The following IPO8 variants were observed in gnomAD, a reference collection of about 807,000 sequenced individuals.
IPO8 encodes the protein importin-8.
IPO8 carries 65 observed loss-of-function variants against 141.2 expected under a neutral mutation model. The ratio of observed to expected loss-of-function variants is 0.46; its 90% CI spans 0.38 to 0.57. The LOEUF is 0.57. IPO8 is among the 20% of genes least tolerant of loss of function. IPO8 has a pLI of 0.00. For missense variants in IPO8, 980 were observed against 1,246.8 expected, an observed-to-expected ratio of 0.79 and a Z score of 3.22; for synonymous variants, 411 against 420.3, an observed-to-expected ratio of 0.98 and a Z score of 0.27.
At chr12:30,670,645 T>C (rs1420842290) in intron 9 of IPO8, among the ~76,000 whole-genome samples, 2 of 152,232 alleles carry the variant, frequency 1.3e-5, no homozygotes, top group African/African-American at 2.4e-5. Flanking sequence ...AAATACCTCA[T>C]TTAATCCTAG....
At chr12:30,673,847 C>G (rs1301713733) in intron 8 of IPO8, 143 bp downstream of exon 8, 1 of 503,722 alleles carries the variant, frequency 2.0e-6, no homozygotes, top group African/African-American at 1.9e-5. Context: ...ACTAATTGCA[C>G]TGTAATACAT....
chr12:30,684,540 C>T (rs2053221222), intron 2 of IPO8, 83 bp from the exon 3 acceptor site: 1 of 1,351,532 alleles, frequency 7.4e-7, no homozygotes, highest in East Asian at 2.3e-5. Context: ...AAGTCCAAAC[C>T]CTTCAATGTT....
In IPO8 at chr12:30,676,935, G is replaced by C. The variant is rs980052192; in HGVS notation, c.640-348C>G. ...AACTTTCCATTTTAACCACCTTGAT[G>C]AAAATATTTATTTCATTAAACACTC... On this transcript the variant is annotated intron_variant, in intron 5 of 24. Coordinates refer to ENST00000256079, the MANE Select transcript of IPO8 (RefSeq NM_006390.4). 4.6e-6 allele frequency: 7 copies of C among 1,532,372 alleles called. No individual in the cohort carries two copies. In the African/African-American group the frequency reaches 8.2e-5, roughly 18 times the overall value. 94.9% of individuals were successfully genotyped at this position (1,532,372 alleles called of 1,614,324 possible).
rs566632811 is a variant in IPO8, at chr12:30,690,597, T to C, written c.85-20A>G. On this transcript the variant is annotated intron_variant, in intron 1 of 24. Coordinates refer to ENST00000256079, the MANE Select transcript of IPO8 (RefSeq NM_006390.4). Reference sequence around the variant, plus strand: ...GTAGGACTGAAATTACAAAGAAATGTTTTATAAAATAGGGCAATATAAGTG... The same window carrying C: ...GTAGGACTGAAATTACAAAGAAATGCTTTATAAAATAGGGCAATATAAGTG... 7.2e-7 allele frequency: 1 copy of C among 1,384,210 alleles called. No homozygotes were observed. The highest frequency in any genetic ancestry group is 2.4e-5 in the East Asian group (1 of 42,312). The allele number at this position is 1,384,210 out of a possible 1,614,324, so 85.7% of individuals were successfully genotyped here.
At chr12:30,675,070 T>C (rs1755713458) in intron 6 of IPO8, among the ~76,000 whole-genome samples, 1 of 152,218 alleles carries the variant, frequency 6.6e-6, no homozygotes. Context: ...ATCTGGGTGA[T>C]AACACAAGTG....
At chr12:30,692,919 A>G (rs2053304740) in intron 1 of IPO8, among the ~76,000 whole-genome samples, 1 of 152,220 alleles carries the variant, frequency 6.6e-6, no homozygotes, top group South Asian at 2.1e-4. Flanking sequence ...AAATTATATT[A>G]GTTACTTGCC....
In IPO8 at chr12:30,630,627, C is replaced by T; in HGVS notation, c.*233G>A. On this transcript the variant is annotated 3_prime_UTR_variant, in exon 25 of 25. Coordinates refer to ENST00000256079, the MANE Select transcript of IPO8 (RefSeq NM_006390.4). ...GAACATATGGGTTGTCCTTTTCCGT[C>T]CAATGATTGTTTTTCTTTCATTTCA... is the stretch of plus-strand genomic sequence containing the variant. 1 of 504,266 alleles carries T rather than the reference C, an allele frequency of 2.0e-6. No individual in the cohort carries two copies. The highest frequency in any genetic ancestry group is 3.5e-6 in the Non-Finnish European group (1 of 287,182). The allele number at this position is 504,266 out of a possible 1,614,324, so 31.2% of individuals were successfully genotyped here.
Position 30,695,474 on chromosome 12 carries a change from G to A in IPO8, c.84+90C>T. The A allele has an allele frequency of 8.6e-7, 1 of 1,158,110 alleles. No homozygotes were observed. Among genetic ancestry groups the A allele is most frequent in the South Asian group, 1.3e-5 (1 of 76,062 alleles). The allele number at this position is 1,158,110 out of a possible 1,614,324, so 71.7% of individuals were successfully genotyped here. A position where few individuals can be genotyped will look rare whatever the true frequency, so the allele number is the denominator to read the frequency against. Reference sequence around the variant, plus strand: ...GCGTCAGCCCCAGCCCGGTGGGGGTGAGGACGAGGGGCGCCGGGGAGAGGG... The same window carrying A: ...GCGTCAGCCCCAGCCCGGTGGGGGTAAGGACGAGGGGCGCCGGGGAGAGGG... On this transcript the variant is annotated intron_variant, in intron 1 of 24. Coordinates refer to ENST00000256079, the MANE Select transcript of IPO8 (RefSeq NM_006390.4). The surrounding 1 kb of genome is among the most constrained non-coding windows in gnomAD (Gnocchi z 4.2).
intron 9 of IPO8, among the ~76,000 whole-genome samples, chr12:30,669,617 A>AC (rs138767542): frequency 0.049 from 7,442 of 151,752 alleles, 265 homozygotes; most frequent in African/African-American, 0.098. Context: ...CTGTAGCGAG[A>AC]CCCCATCTCC....
At chr12:30,678,552 C>A (rs558934315) in intron 5 of IPO8, among the ~76,000 whole-genome samples, 3 of 151,998 alleles carry the variant, frequency 2.0e-5, no homozygotes, top group Non-Finnish European at 4.4e-5. Context: ...CACAGAGGGA[C>A]AAAAATTACT....
In IPO8 at chr12:30,676,516, G is replaced by T. The variant is rs1591841161; in HGVS notation, c.711C>A (p.Ile237=). Residue 237 remains isoleucine, a synonymous_variant, in exon 6 of 25, where the codon ATC becomes ATA. Transcript: ENST00000256079. The part of the protein sequence containing the change: ...TTWMEIFRTI[I]DRTVPPETLH... ...TTCTTACAGGAGGAACGGTCCTGTC[G>T]ATAATAGTTCGGAAGATCTCCATCC... 6.2e-7 allele frequency: 1 copy of T among 1,612,846 alleles called. No individual in the cohort carries two copies. Among genetic ancestry groups the T allele is most frequent in the Middle Eastern group, 1.7e-4 (1 of 6,058 alleles).
chr12:30,649,580 G>T (rs1454701711), intron 19 of IPO8, among the ~76,000 whole-genome samples: 1 of 152,020 alleles, frequency 6.6e-6, no homozygotes, highest in African/African-American at 2.4e-5. Flanking sequence ...CTATTTTTCT[G>T]TTCCTTTTGA....
At chr12:30,672,124 T>G (rs1395229401) in intron 8 of IPO8, among the ~76,000 whole-genome samples, 1 of 152,202 alleles carries the variant, frequency 6.6e-6, no homozygotes, top group African/African-American at 2.4e-5. Flanking sequence ...CTCAAGGACC[T>G]TTAGGCAACT....
rs1259586715 is a variant in IPO8, at chr12:30,695,261, C to G, written c.84+303G>C. Reference sequence around the variant, plus strand: ...GAAAATAAATCACACCCTGAAAACACTAGCACAGGTTGCAAAAACTGCTTC... The same window carrying G: ...GAAAATAAATCACACCCTGAAAACAGTAGCACAGGTTGCAAAAACTGCTTC... On this transcript the variant is annotated intron_variant, in intron 1 of 24. Transcript: ENST00000256079. This position sits in a 1 kb window ranked among gnomAD's most constrained non-coding sequence, Gnocchi z 4.2. 1 of 538,530 alleles carries G rather than the reference C, an allele frequency of 1.9e-6. No individual in the cohort carries two copies. Among genetic ancestry groups the G allele is most frequent in the Non-Finnish European group, 3.4e-6 (1 of 298,028 alleles). 33.4% of individuals were successfully genotyped at this position (538,530 alleles called of 1,614,324 possible). A position where few individuals can be genotyped will look rare whatever the true frequency, so the allele number is the denominator to read the frequency against.
At chr12:30,693,715 A>T (rs1313802840) in intron 1 of IPO8, among the ~76,000 whole-genome samples, 1 of 152,206 alleles carries the variant, frequency 6.6e-6, no homozygotes, top group Non-Finnish European at 1.5e-5. Context: ...ACCTTAAAGC[A>T]TTTCACTATG....
intron 24 of IPO8, chr12:30,631,608 G>A (rs570677000): frequency 4.7e-5 from 11 of 236,168 alleles, no homozygotes; most frequent in Non-Finnish European, 6.6e-5. Context: ...AGTCTCCCTC[G>A]GCAAGACTTA....
intron 21 of IPO8, among the ~76,000 whole-genome samples, chr12:30,639,210 T>C (rs1379892275): frequency 6.6e-6 from 1 of 152,058 alleles, no homozygotes; most frequent in Non-Finnish European, 1.5e-5. Flanking sequence ...CACTTAATCA[T>C]GGAACCCAGA....
intron 15 of IPO8, 89 bp downstream of exon 15, chr12:30,662,238 T>C (rs540029631): frequency 5.8e-6 from 6 of 1,026,160 alleles, no homozygotes; most frequent in Non-Finnish European, 5.9e-6. Flanking sequence ...CACATGACTG[T>C]ACAAATAAAA....
chr12:30,694,542 A>C (rs895149460), intron 1 of IPO8, among the ~76,000 whole-genome samples: 2 of 152,214 alleles, frequency 1.3e-5, no homozygotes, highest in African/African-American at 4.8e-5. Flanking sequence ...CGGGAGGCAC[A>C]GAATCACCTG....
Sources: gnomAD v4.1 joint callset for allele counts (sites outside exome capture counted in the v4.1 genomes callset) on GRCh38, gnomAD v4.1.1 for gene constraint, Gnocchi (gnomAD v3.1) non-coding constraint, MANE v1.5 for transcripts, NCBI Gene and HGNC (gene_info 2026-07-23, HGNC 2026-07-21) for gene names.